Variants in GRIN2B observed in about 807,000 individuals in gnomAD.
GRIN2B encodes glutamate ionotropic receptor NMDA type subunit 2B, also known as glutamate receptor ionotropic, NMDA 2B.
GRIN2B carries 5 observed loss-of-function variants against 114.5 expected under a neutral mutation model. The observed-to-expected ratio is 0.04, with a 90% CI of 0.02 to 0.09. GRIN2B has a LOEUF of 0.09. Ranked by LOEUF, GRIN2B falls within the 10% of genes least tolerant of loss-of-function variation. The pLI is 1.00. For missense variants in GRIN2B, 1,108 were observed against 1,943.5 expected (o/e 0.57, Z 8.08); for synonymous variants, 787 against 745.1 (o/e 1.06, Z -0.92).
chr12:13,589,778 A>G (rs1049404549), intron 10 of GRIN2B, among the ~76,000 whole-genome samples: 6 of 152,178 alleles, frequency 3.9e-5, no homozygotes, highest in Non-Finnish European at 4.4e-5. Context: ...CCTATGTGGT[A>G]TAGAGGTTGG....
At chr12:13,651,335 G>T (rs918898120) in intron 5 of GRIN2B, among the ~76,000 whole-genome samples, 13 of 152,110 alleles carry the variant, frequency 8.5e-5, no homozygotes, top group African/African-American at 3.1e-4. Context: ...CAGCAGCCAT[G>T]TGTAGACAGC....
At chr12:13,864,146 C>T (rs189477070) in intron 3 of GRIN2B, among the ~76,000 whole-genome samples, 3 of 152,278 alleles carry the variant, frequency 2.0e-5, no homozygotes, top group East Asian at 3.9e-4. Context: ...CCTGCACCCA[C>T]GTAAATGGAA....
intron 2 of GRIN2B, among the ~76,000 whole-genome samples, chr12:13,967,275 C>T (rs968718086): frequency 6.6e-6 from 1 of 152,208 alleles, no homozygotes; most frequent in Non-Finnish European, 1.5e-5. Context: ...TTTCTCCACT[C>T]TCTTCATTAT....
intron 2 of GRIN2B, among the ~76,000 whole-genome samples, chr12:13,946,261 C>T (rs1867360984): frequency 6.6e-6 from 1 of 152,058 alleles, no homozygotes; most frequent in Non-Finnish European, 1.5e-5. Flanking sequence ...TAATTTCTGG[C>T]ATATAATAAA....
chr12:13,918,296 T>A (rs1215367015), intron 2 of GRIN2B, among the ~76,000 whole-genome samples: 1 of 152,118 alleles, frequency 6.6e-6, no homozygotes. Flanking sequence ...TCCTAAATAC[T>A]CAGGAGACTG....
At chr12:13,900,303 G>A (rs555074448) in intron 2 of GRIN2B, among the ~76,000 whole-genome samples, 508 of 151,928 alleles carry the variant, frequency 3.3e-3, no homozygotes, top group Non-Finnish European at 4.9e-3. Flanking sequence ...GAGAAACCCC[G>A]TCTCGACTGA....
intron 10 of GRIN2B, among the ~76,000 whole-genome samples, chr12:13,597,521 G>A (rs559984813): frequency 2.0e-5 from 3 of 152,242 alleles, no homozygotes; most frequent in African/African-American, 4.8e-5. Context: ...ATCTGCATAG[G>A]GCACCAATTC....
rs201147007 is a variant in GRIN2B at position 13,547,977 on chromosome 12, A to ATTT, written c.*14805_*14806insAAA. ...TGTGTGTGTATATATATATATATATATATATTTTTTTTTTTTTTCTGAAAG... is the reference window on the plus strand; with the variant it reads ...TGTGTGTGTATATATATATATATATATTTTATATTTTTTTTTTTTTTCTGAAAG... On this transcript the variant is annotated 3_prime_UTR_variant, in exon 14 of 14. Transcript: ENST00000609686. 20 of 57,378 alleles carry ATTT rather than the reference A, an allele frequency of 3.5e-4. No individual in the cohort carries two copies. The highest frequency in any genetic ancestry group is 5.4e-4 in the Non-Finnish European group (15 of 27,524). The allele number at this position is 57,378 out of a possible 1,614,324, so 3.6% of individuals were successfully genotyped here. A position where few individuals can be genotyped will look rare whatever the true frequency, so the allele number is the denominator to read the frequency against.
At chr12:13,603,030 C>T (rs1949184036) in intron 10 of GRIN2B, among the ~76,000 whole-genome samples, 1 of 152,132 alleles carries the variant, frequency 6.6e-6, no homozygotes, top group African/African-American at 2.4e-5. Context: ...AATCTGACCC[C>T]AGACCCCACT....
rs141974935 is a variant in GRIN2B at position 13,715,043 on chromosome 12, G to T, written c.1010+38274C>A. Among the ~76,000 whole-genome samples, 17 of 151,958 alleles carry T rather than the reference G, an allele frequency of 1.1e-4. 1 individual carries two copies. The East Asian group carries it at 3.3e-3, about 30-fold the overall frequency. On this transcript the variant is annotated intron_variant, in intron 4 of 13. Coordinates refer to ENST00000609686, the MANE Select transcript of GRIN2B (RefSeq NM_000834.5). ...TTCTCGTAGTTCTTAGCGCATTGCT[G>T]GAGTATTATGGGTCTTAACGGTGCT...
intron 2 of GRIN2B, among the ~76,000 whole-genome samples, chr12:13,971,797 G>C (rs577430406): frequency 2.0e-5 from 3 of 152,202 alleles, no homozygotes; most frequent in Non-Finnish European, 2.9e-5. Context: ...CTGTTTTAAG[G>C]GCGTCAGGAA....
At chr12:13,842,923 T>TC (rs1290510137) in intron 3 of GRIN2B, among the ~76,000 whole-genome samples, 5,748 of 86,260 alleles carry the variant, frequency 0.067, 373 homozygotes, top group African/African-American at 0.21. Flanking sequence ...TTTTCTTTTT[T>TC]TTTTTTTTTT....
Position 13,550,981 on chromosome 12 carries a change from G to A in GRIN2B, c.*11802C>T, listed in dbSNP as rs1948404247. ...AAACACAGCTGTAAGTGCCCTCATT[G>A]ACTTCTAAATGCATTTATATCAAAG... is the stretch of plus-strand genomic sequence containing the variant. On this transcript the variant is annotated 3_prime_UTR_variant, in exon 14 of 14. Transcript: ENST00000609686. 1 of 152,166 alleles carries A rather than the reference G, an allele frequency of 6.6e-6. No individual in the cohort carries two copies. Among genetic ancestry groups the A allele is most frequent in the African/African-American group, 2.4e-5 (1 of 41,446 alleles). The allele number at this position is 152,166 out of a possible 1,614,324, so 9.4% of individuals were successfully genotyped here. A position where few individuals can be genotyped will look rare whatever the true frequency, so the allele number is the denominator to read the frequency against.
At chr12:13,949,605 T>G (rs1011939165) in intron 2 of GRIN2B, among the ~76,000 whole-genome samples, 3 of 152,174 alleles carry the variant, frequency 2.0e-5, no homozygotes, top group Non-Finnish European at 4.4e-5. Context: ...ACACTGCCAT[T>G]AGCCTCTACA....
chr12:13,960,756 A>C (rs969795150), intron 2 of GRIN2B, among the ~76,000 whole-genome samples: 11 of 152,232 alleles, frequency 7.2e-5, no homozygotes, highest in Non-Finnish European at 1.5e-4. Context: ...GTATTGTGTG[A>C]CAGCAAAGTC....
At chr12:13,762,635 T>G (rs139099846) in intron 3 of GRIN2B, among the ~76,000 whole-genome samples, 1 of 152,236 alleles carries the variant, frequency 6.6e-6, no homozygotes, top group African/African-American at 2.4e-5. Context: ...TAGTACCTCA[T>G]GTGTTGCTGA....
intron 4 of GRIN2B, among the ~76,000 whole-genome samples, chr12:13,676,367 A>T (rs1418897161): frequency 6.6e-6 from 1 of 152,128 alleles, no homozygotes; most frequent in South Asian, 2.1e-4. Flanking sequence ...AAAATTTTTA[A>T]AAAGGTGTTT....
intron 12 of GRIN2B, among the ~76,000 whole-genome samples, chr12:13,568,012 T>C (rs924033418): frequency 6.6e-6 from 1 of 151,746 alleles, no homozygotes; most frequent in Non-Finnish European, 1.5e-5. Flanking sequence ...GGCAGAGAGA[T>C]TGATTGATTC....
At chr12:13,941,773 G>A (rs890284369) in intron 2 of GRIN2B, among the ~76,000 whole-genome samples, 7 of 152,206 alleles carry the variant, frequency 4.6e-5, no homozygotes, top group East Asian at 1.9e-4. Context: ...CTAGATCTAC[G>A]TGTGTGCAAA....
Sources: allele counts gnomAD v4.1 joint callset (sites outside exome capture counted in the v4.1 genomes callset), GRCh38; gene constraint gnomAD v4.1.1; transcripts MANE v1.5; gene names NCBI Gene and HGNC (gene_info 2026-07-23, HGNC 2026-07-21).